Variants in ICE1 observed in about 807,000 individuals in gnomAD.
ICE1 encodes the protein interactor of little elongation complex ELL subunit 1.
A neutral mutation model predicts 192.7 loss-of-function variants in ICE1; 64 were observed. The ratio of observed to expected loss-of-function variants is 0.33; its 90% CI spans 0.27 to 0.41. The LOEUF (loss-of-function observed/expected upper bound fraction) is 0.41. Ranked by LOEUF, ICE1 falls within the 10% of genes least tolerant of loss-of-function variation. ICE1 has a pLI of 1.00. For missense variants in ICE1, 2,708 were observed against 2,696.0 expected, an observed-to-expected ratio of 1.00 and a Z score of -0.10; for synonymous variants, 1,010 against 984.5, an observed-to-expected ratio of 1.03 and a Z score of -0.49.
intron 6 of ICE1, among the ~76,000 whole-genome samples, chr5:5,443,725 T>G (rs552958773): frequency 2.6e-5 from 4 of 152,330 alleles, no homozygotes; most frequent in African/African-American, 7.2e-5. Flanking sequence ...AGCATCCCCT[T>G]GATCATTGAG....
At chr5:5,447,252 G>T (rs1028776791) in intron 7 of ICE1, among the ~76,000 whole-genome samples, 175 bp from the exon 8 acceptor site, 1 of 152,050 alleles carries the variant, frequency 6.6e-6, no homozygotes, top group Non-Finnish European at 1.5e-5. Flanking sequence ...AAAGTACATT[G>T]CATTCAGCCC....
At chr5:5,430,672 G>A (rs1391898009) in intron 1 of ICE1, among the ~76,000 whole-genome samples, 2 of 152,138 alleles carry the variant, frequency 1.3e-5, no homozygotes, top group Non-Finnish European at 2.9e-5. Flanking sequence ...ACTTTGGGAG[G>A]TGAGGATTCA....
chr5:5,486,691 A>G (rs1349994487), intron 17 of ICE1, 30 bp from the exon 18 acceptor site: 1 of 1,398,250 alleles, frequency 7.2e-7, no homozygotes, highest in Admixed American at 1.9e-5. Context: ...ATTTAACTGG[A>G]CTGTTTACAT....
rs766796937 is a variant in ICE1, at chr5:5,464,017, A to C, written c.4683A>C (p.Lys1561Asn). 2 of 1,613,744 alleles carry C rather than the reference A, an allele frequency of 1.2e-6. No individual in the cohort carries two copies. The highest frequency in any genetic ancestry group is 2.2e-5 in the South Asian group (2 of 91,070). The change falls in exon 13 of 19, where the codon AAA becomes AAC. Residue 1561 changes from lysine to asparagine, a missense_variant. Coordinates refer to ENST00000296564, the MANE Select transcript of ICE1 (RefSeq NM_015325.3). The surrounding 1 kb of genome is among the most constrained non-coding windows in gnomAD (Gnocchi z 4.0). Reference protein sequence around the residue: ...KNKNRSKISNKDQSNKPVKTS... With the variant: ...KNKNRSKISNNDQSNKPVKTS... ...AGAATCGATCAAAGATTTCAAACAA[A>C]GATCAGTCAAACAAACCAGTAAAAA...
intron 10 of ICE1, among the ~76,000 whole-genome samples, chr5:5,448,868 A>G (rs1738329016): frequency 6.6e-6 from 1 of 152,196 alleles, no homozygotes; most frequent in African/African-American, 2.4e-5. Flanking sequence ...ATGACTAGAT[A>G]TGATTCCATG....
In ICE1 at chr5:5,461,364, C is replaced by A. The variant is rs1362108054; in HGVS notation, c.2030C>A (p.Thr677Asn). ...EPHHSEHKLQ[T>N]KTLNTLHLQS... is the part of the protein sequence containing the mutation. ...CATCATTCAGAACATAAATTGCAAACTAAAACTTTAAACACATTACATCTG... is the reference window on the plus strand; with the variant it reads ...CATCATTCAGAACATAAATTGCAAAATAAAACTTTAAACACATTACATCTG... The change falls in exon 13 of 19, where the codon ACT becomes AAT. Residue 677 changes from threonine to asparagine, a missense_variant. Around this residue, in one of 2 missense-constraint regions of ICE1, gnomAD observed 2,366 missense variants for 2,276.6 expected, o/e 1.04. Transcript: ENST00000296564. The A allele has an allele frequency of 6.2e-7, 1 of 1,613,774 alleles. No individual in the cohort carries two copies. The highest frequency in any genetic ancestry group is 1.3e-5 in the African/African-American group (1 of 74,920).
chr5:5,479,863 TCTCA>T (rs1263795106), intron 17 of ICE1, among the ~76,000 whole-genome samples: 2 of 152,022 alleles, frequency 1.3e-5, no homozygotes, highest in African/African-American at 4.8e-5. Flanking sequence ...CACTGCATGT[TCTCA>T]CTCATAAGTG....
At chr5:5,465,814 A>C (rs1027909901) in intron 13 of ICE1, among the ~76,000 whole-genome samples, 1 of 152,206 alleles carries the variant, frequency 6.6e-6, no homozygotes, top group Admixed American at 6.5e-5. Context: ...CCTTGCAGAA[A>C]GCATAAGGAG....
intron 16 of ICE1, among the ~76,000 whole-genome samples, chr5:5,475,052 G>A (rs775711697): frequency 2.0e-5 from 3 of 152,214 alleles, no homozygotes; most frequent in Non-Finnish European, 4.4e-5. Context: ...ATAATGATGT[G>A]TCAGGGCCTG....
At position 5,461,875 on chromosome 5, in the gene ICE1, C is replaced by G. The variant is rs756618751; in HGVS notation, c.2541C>G (p.Phe847Leu). The G allele has an allele frequency of 6.2e-7, 1 of 1,613,782 alleles. No individual in the cohort carries two copies. Among genetic ancestry groups the G allele is most frequent in the African/African-American group, 1.3e-5 (1 of 74,936 alleles). ...LLRENNNPVE[F>L]KTTASVLPNQ... ...GAGAAAATAACAATCCTGTAGAATT[C>G]AAGACCACTGCATCGGTGTTGCCTA... The change falls in exon 13 of 19, where the codon TTC (phenylalanine) becomes TTG (leucine). Residue 847 changes from phenylalanine to leucine, a missense_variant. By Grantham distance (22) the Phe-to-Leu change is conservative (BLOSUM62 0). Around this residue, in one of 2 missense-constraint regions of ICE1, gnomAD observed 2,366 missense variants for 2,276.6 expected, o/e 1.04. Coordinates refer to ENST00000296564, the MANE Select transcript of ICE1 (RefSeq NM_015325.3).
rs746352997 is a variant in ICE1, at chr5:5,465,073, A to G, written c.5739A>G (p.Lys1913=). ...AAGAAACTGTGGAGTCCCATGATAA[A>G]GCCATAGCTAATGCCCTGAAGAAAA... ...SPKETVESHD[K]AIANALKKIA... is the part of the protein sequence containing the mutation. Residue 1913 remains lysine (K), a synonymous_variant, in exon 13 of 19, where the codon AAA becomes AAG. Transcript: ENST00000296564. The G allele has an allele frequency of 1.9e-6, 3 of 1,613,894 alleles. No homozygotes were observed. The highest frequency in any genetic ancestry group is 2.5e-6 in the Non-Finnish European group (3 of 1,179,860).
At chr5:5,430,318 CAG>C (rs1234774571) in intron 1 of ICE1, among the ~76,000 whole-genome samples, 1 of 152,152 alleles carries the variant, frequency 6.6e-6, no homozygotes, top group East Asian at 1.9e-4. Context: ...AATGTTTTAT[CAG>C]AGTATTACAA....
chr5:5,460,521 A>C lies in ICE1; in HGVS notation c.1187A>C (p.Asp396Ala). The C allele has an allele frequency of 6.2e-7, 1 of 1,611,988 alleles. No homozygotes were observed. Among genetic ancestry groups the C allele is most frequent in the Non-Finnish European group, 8.5e-7 (1 of 1,178,808 alleles). The change falls in exon 13 of 19, where the codon GAT becomes GCT. Residue 396 changes from aspartate (D) to alanine (A), a missense_variant. Transcript: ENST00000296564. ...TCTGCTGAGTGTGTTTCAGAAGATG[A>C]TACAACTGAATCACAGAATTATTTT... is the stretch of plus-strand genomic sequence containing the variant. ...RNSAECVSED[D>A]TTESQNYFGS...
At chr5:5,433,856 C>T (rs184344251) in intron 1 of ICE1, among the ~76,000 whole-genome samples, 66 of 151,912 alleles carry the variant, frequency 4.3e-4, no homozygotes, top group African/African-American at 1.4e-3. Flanking sequence ...TTACTCCCTC[C>T]TTACAGTTTT....
chr5:5,448,559 A>G (rs1738315657), intron 10 of ICE1, among the ~76,000 whole-genome samples: 1 of 152,234 alleles, frequency 6.6e-6, no homozygotes, highest in South Asian at 2.1e-4. Flanking sequence ...AAAAATGGAA[A>G]TATGAATTTG....
At chr5:5,455,674 A>G (rs572970065) in intron 11 of ICE1, among the ~76,000 whole-genome samples, 52 of 152,348 alleles carry the variant, frequency 3.4e-4, no homozygotes, top group African/African-American at 1.2e-3. Context: ...GAATCTTATT[A>G]TACCATAAGA....
rs562209497 is a variant in ICE1, at chr5:5,452,729, T to G, written c.605-1823T>G. On this transcript the variant is annotated intron_variant, in intron 10 of 18. Transcript: ENST00000296564. The stretch of plus-strand genomic sequence containing the variant: ...TCAACAGGAGAAAACTGAATAATGA[T>G]TACGCTCTAACAGATATTCAGTAAC... Among the ~76,000 whole-genome samples the G allele has an allele frequency of 7.2e-5, 11 of 152,226 alleles. No homozygotes were observed. In the South Asian group the frequency reaches 2.3e-3, roughly 32 times the overall value.
At chr5:5,455,816 C>T (rs771711883) in intron 11 of ICE1, among the ~76,000 whole-genome samples, 92 of 152,136 alleles carry the variant, frequency 6.0e-4, no homozygotes, top group Non-Finnish European at 1.6e-4. Flanking sequence ...AAAACCAGGA[C>T]GTTTGGTACA....
Position 5,422,946 on chromosome 5 carries a change from C to T in ICE1, c.31C>T (p.Pro11Ser). 1 of 1,448,754 alleles carries T rather than the reference C, an allele frequency of 6.9e-7. No individual in the cohort carries two copies. The highest frequency in any genetic ancestry group is 9.1e-7 in the Non-Finnish European group (1 of 1,102,462). 89.7% of individuals were successfully genotyped at this position (1,448,754 alleles called of 1,614,324 possible). The change falls in exon 1 of 19, where the codon CCC (proline) becomes TCC (serine). Residue 11 changes from proline (P) to serine (S), a missense_variant. Physicochemically the swap from Pro to Ser is moderately conservative, Grantham distance 74. Coordinates refer to ENST00000296564, the MANE Select transcript of ICE1 (RefSeq NM_015325.3). Reference sequence around the variant, plus strand: ...GCCGGGCGAGACCCATTCGGCGGCGCCCGGGACGGCGGCGGACCTGTCGCG... The same window carrying T: ...GCCGGGCGAGACCCATTCGGCGGCGTCCGGGACGGCGGCGGACCTGTCGCG... MMPGETHSAA[P>S]GTAADLSRCQ...
Sources: allele counts gnomAD v4.1 joint callset (sites outside exome capture counted in the v4.1 genomes callset), GRCh38; gene constraint gnomAD v4.1.1; regional missense constraint gnomAD v4.1.1; non-coding constraint Gnocchi (gnomAD v3.1); transcripts MANE v1.5; gene names NCBI Gene and HGNC (gene_info 2026-07-23, HGNC 2026-07-21).